THSD7B: variants seen among roughly 807,000 people sequenced by gnomAD.
The protein encoded by THSD7B is thrombospondin type-1 domain-containing protein 7B.
THSD7B carries 138 observed loss-of-function variants against 213.6 expected under a neutral mutation model. The ratio of observed to expected loss-of-function variants is 0.65; its 90% CI spans 0.56 to 0.74. The LOEUF (loss-of-function observed/expected upper bound fraction) is 0.74. THSD7B is among the 30% of genes least tolerant of loss of function. THSD7B has a pLI of 0.00. For synonymous variants in THSD7B, 742 were observed against 687.0 expected (o/e 1.08, Z -1.25); for missense variants, 1,931 against 1,991.5 (o/e 0.97, Z 0.58).
intron 2 of THSD7B, among the ~76,000 whole-genome samples, chr2:137,013,391 C>T (rs1192931239): frequency 6.6e-6 from 1 of 152,124 alleles, no homozygotes; most frequent in African/African-American, 2.4e-5. Flanking sequence ...TAGACCCAGG[C>T]AAACTTCATG....
chr2:137,059,263 A>G (rs149806583), intron 3 of THSD7B, among the ~76,000 whole-genome samples: 39 of 152,290 alleles, frequency 2.6e-4, no homozygotes, highest in African/African-American at 9.1e-4. Context: ...TACATTAGAA[A>G]TTTCCCATAT....
intron 3 of THSD7B, among the ~76,000 whole-genome samples, chr2:137,060,580 A>G (rs755334940): frequency 4.6e-5 from 7 of 151,886 alleles, no homozygotes; most frequent in Non-Finnish European, 1.0e-4. Flanking sequence ...AAAGATTATT[A>G]TATGTTCAGT....
intron 12 of THSD7B, among the ~76,000 whole-genome samples, chr2:137,372,747 G>T (rs1411869794): frequency 6.6e-6 from 1 of 151,710 alleles, no homozygotes; most frequent in Non-Finnish European, 1.5e-5. Context: ...TGCACAATGT[G>T]CAGGTTAGTT....
chr2:137,287,002 C>T (rs944155048), intron 12 of THSD7B, among the ~76,000 whole-genome samples: 1 of 152,092 alleles, frequency 6.6e-6, no homozygotes, highest in Non-Finnish European at 1.5e-5. Flanking sequence ...TATTTAACCA[C>T]GCTATTTTTA....
At chr2:136,766,896 A>G (rs12476882) in intron 1 of THSD7B, among the ~76,000 whole-genome samples, 5,720 of 152,156 alleles carry the variant, frequency 0.038, 198 homozygotes, top group East Asian at 0.17. Context: ...TCTCAGCGGT[A>G]CACCTGTGAG....
At chr2:137,560,551 G>C (rs547719151) in intron 15 of THSD7B, among the ~76,000 whole-genome samples, 1 of 152,138 alleles carries the variant, frequency 6.6e-6, no homozygotes, top group African/African-American at 2.4e-5. Context: ...ATCACACACC[G>C]GGGCCTGTTG....
At chr2:137,310,318 G>T (rs922404165) in intron 12 of THSD7B, among the ~76,000 whole-genome samples, 12 of 147,986 alleles carry the variant, frequency 8.1e-5, no homozygotes, top group Non-Finnish European at 1.7e-4. Flanking sequence ...AGAAGTGTCT[G>T]TTCATGTCCT....
At chr2:137,115,012 T>G in intron 4 of THSD7B, 112 bp from the exon 5 acceptor site, 3 of 1,162,448 alleles carry the variant, frequency 2.6e-6, no homozygotes, top group Non-Finnish European at 3.7e-6. Flanking sequence ...CAGGCAAAGA[T>G]TTGGCCCTAG....
At chr2:137,229,574 C>G (rs1681592483) in intron 7 of THSD7B, among the ~76,000 whole-genome samples, 1 of 152,192 alleles carries the variant, frequency 6.6e-6, no homozygotes, top group East Asian at 1.9e-4. Flanking sequence ...CTATCTTCTC[C>G]TTCAGGCAGT....
chr2:136,802,646 T>TATAC (rs1469074141), intron 1 of THSD7B, among the ~76,000 whole-genome samples: 15 of 72,346 alleles, frequency 2.1e-4, no homozygotes, highest in Admixed American at 5.1e-4. Context: ...AGTTTATATA[T>TATAC]ATATATATAT....
chr2:137,494,417 T>G (rs1038610802), intron 15 of THSD7B, among the ~76,000 whole-genome samples: 6 of 152,156 alleles, frequency 3.9e-5, no homozygotes, highest in African/African-American at 1.2e-4. Context: ...ATGTATTTCT[T>G]TCTGAGAGTC....
chr2:137,290,755 C>G (rs1683314399), intron 12 of THSD7B, among the ~76,000 whole-genome samples: 1 of 152,100 alleles, frequency 6.6e-6, no homozygotes. Flanking sequence ...CCTATTTTCT[C>G]TATCTGAGTT....
intron 1 of THSD7B, among the ~76,000 whole-genome samples, chr2:136,864,931 A>T (rs775823595): frequency 6.6e-5 from 10 of 152,238 alleles, no homozygotes; most frequent in Non-Finnish European, 1.0e-4. Flanking sequence ...ATTTCATTAT[A>T]ATAGACACTT....
rs1043178403 is a variant in THSD7B at position 137,565,437 on chromosome 2, G to A, written c.3272+2083G>A. On this transcript the variant is annotated intron_variant, in intron 16 of 27. Transcript: ENST00000409968. Reference sequence around the variant, plus strand: ...CATGTGAGAATGAGACCACAAGAATGAGCCAAGCTTGCTTTTACAACAGTC... The same window carrying A: ...CATGTGAGAATGAGACCACAAGAATAAGCCAAGCTTGCTTTTACAACAGTC... Among the ~76,000 whole-genome samples the A allele has an allele frequency of 5.9e-5, 9 of 152,064 alleles. No individual in the cohort carries two copies. In the East Asian group the frequency reaches 1.5e-3, roughly 26 times the overall value.
At chr2:137,602,767 C>G (rs1291127312) in intron 17 of THSD7B, among the ~76,000 whole-genome samples, 1 of 152,128 alleles carries the variant, frequency 6.6e-6, no homozygotes, top group Non-Finnish European at 1.5e-5. Context: ...GTCCCCATGG[C>G]CTAATTACCT....
intron 9 of THSD7B, among the ~76,000 whole-genome samples, chr2:137,237,478 AACGTTT>A (rs1205218541): frequency 6.6e-6 from 1 of 152,218 alleles, no homozygotes; most frequent in Non-Finnish European, 1.5e-5. Flanking sequence ...ACTGTTACTA[AACGTTT>A]ACACTGAGCT....
In THSD7B at chr2:136,850,683, A is replaced by G. The variant is rs1223694163; in HGVS notation, c.-35-31461A>G. ...TTTTTCCATTTGTTGCTTGGCAATG[A>G]ATACAGGATAGTTTCTACCTATTTT... On this transcript the variant is annotated intron_variant, in intron 1 of 27. Transcript: ENST00000409968. Among the ~76,000 whole-genome samples, 3 of 152,126 alleles carry G rather than the reference A, an allele frequency of 2.0e-5. No homozygotes were observed. The East Asian group carries it at 5.8e-4, about 29-fold the overall frequency.
At chr2:137,223,240 T>G (rs1681412305) in intron 7 of THSD7B, among the ~76,000 whole-genome samples, 1 of 152,194 alleles carries the variant, frequency 6.6e-6, no homozygotes, top group Admixed American at 6.5e-5. Flanking sequence ...ATAGGAAAAC[T>G]GTGTCATGGA....
chr2:137,173,698 C>T (rs1680309808), intron 7 of THSD7B, among the ~76,000 whole-genome samples: 1 of 152,166 alleles, frequency 6.6e-6, no homozygotes, highest in African/African-American at 2.4e-5. Context: ...TGCTTGGCCT[C>T]CTAGTGGCTG....
Sources: gnomAD v4.1 joint callset for allele counts (sites outside exome capture counted in the v4.1 genomes callset) on GRCh38, gnomAD v4.1.1 for gene constraint, MANE v1.5 for transcripts, NCBI Gene and HGNC (gene_info 2026-07-23, HGNC 2026-07-21) for gene names.